PAIP2B: variants seen among roughly 807,000 people sequenced by gnomAD.
PAIP2B encodes poly(A) binding protein interacting protein 2B, also known as polyadenylate-binding protein-interacting protein 2B.
A neutral mutation model predicts 17.0 loss-of-function variants in PAIP2B; 13 were observed. The observed-to-expected ratio is 0.76, with a 90% CI of 0.50 to 1.22. The LOEUF (loss-of-function observed/expected upper bound fraction) is 1.22, where lower values mean the gene tolerates loss of function less well. Among genes scored for constraint, PAIP2B ranks in the 50% most tolerant of loss-of-function variants. PAIP2B has a pLI of 0.00. For synonymous variants in PAIP2B, 43 were observed against 48.7 expected (o/e 0.88, Z 0.48); for missense variants, 117 against 144.5 (o/e 0.81, Z 0.98).
chr2:71,198,346 C>A (rs371295051), intron 2 of PAIP2B, among the ~76,000 whole-genome samples: 2 of 142,770 alleles, frequency 1.4e-5, no homozygotes, highest in African/African-American at 5.1e-5. Flanking sequence ...AGTGCAGTGG[C>A]GCGATCTCGG....
In PAIP2B at chr2:71,212,238, A is replaced by G. The variant is rs72907643; in HGVS notation, c.-11-9638T>C. On this transcript the variant is annotated intron_variant, in intron 1 of 3. Coordinates refer to ENST00000244221, the MANE Select transcript of PAIP2B (RefSeq NM_020459.1). ...ATGCCACTATAAAAGCCTGAATACAATCTCCGAGCCTAAGGTCTTCCCCAT... is the reference window on the plus strand; with the variant it reads ...ATGCCACTATAAAAGCCTGAATACAGTCTCCGAGCCTAAGGTCTTCCCCAT... 8.7e-3 allele frequency among the ~76,000 whole-genome samples: 1,329 copies of G among 152,280 alleles called. 25 individuals carry two copies. The highest frequency in any genetic ancestry group is 0.031 in the African/African-American group (1,273 of 41,548).
At chr2:71,194,458 G>GTT (rs1336480276) in intron 2 of PAIP2B, among the ~76,000 whole-genome samples, 1 of 69,998 alleles carries the variant, frequency 1.4e-5, no homozygotes, top group Non-Finnish European at 2.8e-5. Flanking sequence ...GTATTCCTAG[G>GTT]TTGTGTGTGT....
intron 2 of PAIP2B, among the ~76,000 whole-genome samples, chr2:71,192,732 T>G (rs1440395616): frequency 6.6e-6 from 1 of 152,212 alleles, no homozygotes; most frequent in African/African-American, 2.4e-5. Context: ...GATGATAGCC[T>G]GCAACTCCAT....
chr2:71,211,971 C>G (rs1675313383), intron 1 of PAIP2B, among the ~76,000 whole-genome samples: 1 of 152,188 alleles, frequency 6.6e-6, no homozygotes, highest in South Asian at 2.1e-4. Flanking sequence ...CAATTGTCCT[C>G]CCAGAATAAC....
chr2:71,199,464 A>T (rs1674919324), intron 2 of PAIP2B, among the ~76,000 whole-genome samples: 1 of 152,074 alleles, frequency 6.6e-6, no homozygotes, highest in African/African-American at 2.4e-5. Flanking sequence ...CAATTCACTA[A>T]GCATTTTCCA....
intron 2 of PAIP2B, among the ~76,000 whole-genome samples, chr2:71,195,501 T>C (rs916884970): frequency 6.6e-6 from 1 of 152,232 alleles, no homozygotes; most frequent in Admixed American, 6.5e-5. Context: ...TTCTAGTTCA[T>C]GTGTGTAGTG....
Position 71,187,693 on chromosome 2 carries a change from A to G in PAIP2B, c.*786T>C, listed in dbSNP as rs1185016704. 6.6e-6 allele frequency: 1 copy of G among 152,222 alleles called. No individual in the cohort carries two copies. The highest frequency in any genetic ancestry group is 1.5e-5 in the Non-Finnish European group (1 of 68,054). The allele number at this position is 152,222 out of a possible 1,614,324, so 9.4% of individuals were successfully genotyped here. Reference sequence around the variant, plus strand: ...TTTCTTAAAAAGGAGGCTGGGGAATAGACTTCATGAAAGATGAGGTGGCAG... The same window carrying G: ...TTTCTTAAAAAGGAGGCTGGGGAATGGACTTCATGAAAGATGAGGTGGCAG... On this transcript the variant is annotated 3_prime_UTR_variant, in exon 4 of 4. Transcript: ENST00000244221.
At chr2:71,197,400 G>T (rs1413988608) in intron 2 of PAIP2B, among the ~76,000 whole-genome samples, 1 of 152,136 alleles carries the variant, frequency 6.6e-6, no homozygotes, top group Non-Finnish European at 1.5e-5. Context: ...GCCTGATAGG[G>T]ATCTCTTTGT....
At chr2:71,200,710 C>G (rs566875885) in intron 2 of PAIP2B, among the ~76,000 whole-genome samples, 1 of 152,256 alleles carries the variant, frequency 6.6e-6, no homozygotes, top group African/African-American at 2.4e-5. Flanking sequence ...CGAGATTGAG[C>G]CACTGCACTC....
intron 1 of PAIP2B, among the ~76,000 whole-genome samples, chr2:71,209,235 G>A (rs762852742): frequency 1.3e-5 from 2 of 152,140 alleles, no homozygotes; most frequent in Non-Finnish European, 2.9e-5. Context: ...AGCTGCCAAG[G>A]GAAGAGGCAG....
Position 71,202,577 on chromosome 2 carries a change from T to C in PAIP2B, c.13A>G (p.Asn5Asp). The C allele has an allele frequency of 6.2e-7, 1 of 1,613,104 alleles. No individual in the cohort carries two copies. The highest frequency in any genetic ancestry group is 8.5e-7 in the Non-Finnish European group (1 of 1,179,258). The change falls in exon 2 of 4, where the codon AAT becomes GAT. Residue 5 changes from asparagine to aspartate, a missense_variant. By Grantham distance (23) the Asn-to-Asp change is conservative. Coordinates refer to ENST00000244221, the MANE Select transcript of PAIP2B (RefSeq NM_020459.1). MNGS[N>D]MANTSPSVKS... ...ACACTCGGTGATGTATTTGCCATAT[T>C]GGATCCATTCATTATGATGGAACCT...
At chr2:71,214,229 C>T (rs373158198) in intron 1 of PAIP2B, among the ~76,000 whole-genome samples, 3 of 152,148 alleles carry the variant, frequency 2.0e-5, no homozygotes, top group South Asian at 4.2e-4. Flanking sequence ...TGCTCTTAAC[C>T]ACTTCCATGT....
chr2:71,200,844 G>A (rs1674961966), intron 2 of PAIP2B, among the ~76,000 whole-genome samples: 1 of 152,164 alleles, frequency 6.6e-6, no homozygotes, highest in Non-Finnish European at 1.5e-5. Flanking sequence ...GGGAATTTGA[G>A]CAAACAATTG....
chr2:71,215,910 T>C (rs547721352), intron 1 of PAIP2B, among the ~76,000 whole-genome samples: 11 of 152,362 alleles, frequency 7.2e-5, no homozygotes, highest in Non-Finnish European at 1.5e-4. Flanking sequence ...ATCCAGCTTC[T>C]ATGCCAGGTC....
chr2:71,189,005 T>TG (rs1491538032), intron 3 of PAIP2B, among the ~76,000 whole-genome samples: 1 of 76,176 alleles, frequency 1.3e-5, no homozygotes, highest in East Asian at 2.9e-4. Flanking sequence ...GCTCACAGAC[T>TG]TTTTTTTTTT....
intron 2 of PAIP2B, among the ~76,000 whole-genome samples, chr2:71,193,778 C>G (rs549231030): frequency 4.0e-5 from 6 of 151,702 alleles, no homozygotes; most frequent in Non-Finnish European, 7.4e-5. Context: ...GGCGAGAATC[C>G]GGGAGGCGGA....
chr2:71,197,279 G>A (rs1674845564), intron 2 of PAIP2B, among the ~76,000 whole-genome samples: 1 of 152,100 alleles, frequency 6.6e-6, no homozygotes, highest in Admixed American at 6.6e-5. Flanking sequence ...AAGAAACTTA[G>A]TTTGGCTGGA....
intron 2 of PAIP2B, among the ~76,000 whole-genome samples, chr2:71,193,687 G>A (rs1463009096): frequency 6.6e-6 from 1 of 152,008 alleles, no homozygotes; most frequent in Admixed American, 6.6e-5. Context: ...CCCCTTCTCT[G>A]CTAAATAATA....
chr2:71,194,294 T>A (rs1333313312), intron 2 of PAIP2B, among the ~76,000 whole-genome samples: 1 of 152,232 alleles, frequency 6.6e-6, no homozygotes, highest in Non-Finnish European at 1.5e-5. Flanking sequence ...ATTGAATCTG[T>A]AAACTGCTTT....
Sources: gnomAD v4.1 joint callset for allele counts (sites outside exome capture counted in the v4.1 genomes callset) on GRCh38, gnomAD v4.1.1 for gene constraint, MANE v1.5 for transcripts, NCBI Gene and HGNC (gene_info 2026-07-23, HGNC 2026-07-21) for gene names.